Variants in BAZ1A observed in about 807,000 individuals in gnomAD.
BAZ1A encodes bromodomain adjacent to zinc finger domain protein 1A.
In BAZ1A, 50 loss-of-function variants were observed where a neutral mutation model predicts 185.2. The ratio of observed to expected loss-of-function variants is 0.27; its 90% CI spans 0.22 to 0.34. The LOEUF is 0.34. Among genes scored for constraint, BAZ1A ranks in the 10% least tolerant of loss-of-function variants. The probability of loss-of-function intolerance (pLI) is 1.00; values close to 1 mark genes in which losing one functional copy is unlikely to be tolerated. For synonymous variants in BAZ1A, 571 were observed against 615.6 expected (o/e 0.93, Z 1.07); for missense variants, 1,356 against 1,839.9 (o/e 0.74, Z 4.81).
intron 3 of BAZ1A, among the ~76,000 whole-genome samples, chr14:34,853,836 A>C (rs1224098088): frequency 6.6e-6 from 1 of 152,174 alleles, no homozygotes; most frequent in Non-Finnish European, 1.5e-5. Flanking sequence ...GACAATAAGA[A>C]AAGAATATTG....
At chr14:34,828,154 G>A (rs548907542) in intron 3 of BAZ1A, among the ~76,000 whole-genome samples, 3 of 152,062 alleles carry the variant, frequency 2.0e-5, no homozygotes, top group Admixed American at 6.6e-5. Flanking sequence ...TTAACTGGGC[G>A]TGGTGGCACA....
chr14:34,801,164 AAG>A lies in BAZ1A; in HGVS notation c.889_890del (p.Leu297CysfsTer4). On this transcript the variant is annotated frameshift_variant, in exon 8 of 27. Transcript: ENST00000360310. LOFTEE classifies it high-confidence loss of function. ...QEDNVANKQTLASYRSKATKE... is the reference protein window; with the variant it reads ...QEDNVANKQTXASYRSKATKE... The stretch of plus-strand genomic sequence containing the variant: ...TAGTAGCTTTGCTCCTATAACTTGC[AAG>A]AGTCTGTTTATTAGCAACATTGTCC... The A allele has an allele frequency of 6.2e-7, 1 of 1,607,546 alleles. No homozygotes were observed. Among genetic ancestry groups the A allele is most frequent in the Non-Finnish European group, 8.5e-7 (1 of 1,178,008 alleles).
intron 9 of BAZ1A, among the ~76,000 whole-genome samples, chr14:34,798,217 C>T (rs1348497172): frequency 6.6e-6 from 1 of 152,274 alleles, no homozygotes; most frequent in African/African-American, 2.4e-5. Flanking sequence ...CGGAGCCCAC[C>T]GCAGCTCTGA....
At chr14:34,851,686 G>A (rs1666028278) in intron 3 of BAZ1A, among the ~76,000 whole-genome samples, 1 of 152,144 alleles carries the variant, frequency 6.6e-6, no homozygotes, top group Admixed American at 6.5e-5. Flanking sequence ...AGGCACAGTG[G>A]CCCATGCCTG....
intron 3 of BAZ1A, 145 bp downstream of exon 3, chr14:34,861,899 G>A: frequency 2.2e-6 from 2 of 900,974 alleles, no homozygotes; most frequent in South Asian, 3.5e-5. Context: ...ACAAGAAACA[G>A]CTAACACCGG....
chr14:34,753,611 T>C lies in BAZ1A; in HGVS notation c.4568A>G (p.Gln1523Arg), dbSNP rs1886113119. Reference protein sequence around the residue: ...TSEAKAGTRLQAFFHIQAQKL... With the variant: ...TSEAKAGTRLRAFFHIQAQKL... ...TTGAGCCTGAATATGAAAAAATGCT[T>C]GAAGCCTAGTTCCAGCTTTTGCTTC... The change falls in exon 27 of 27, where the codon CAA (glutamine) becomes CGA (arginine). Residue 1523 changes from glutamine (Q) to arginine (R), a missense_variant. Coordinates refer to ENST00000360310, the MANE Select transcript of BAZ1A (RefSeq NM_013448.3). 6.2e-7 allele frequency: 1 copy of C among 1,614,136 alleles called. No homozygotes were observed.
In BAZ1A at chr14:34,776,450, C is replaced by G. The variant is rs764565612; in HGVS notation, c.2302G>C (p.Glu768Gln). The change falls in exon 18 of 27, where the codon GAG becomes CAG. Residue 768 changes from glutamate (E) to glutamine (Q), a missense_variant. Physicochemically the swap from Glu to Gln is conservative, Grantham distance 29 (BLOSUM62 2). Coordinates refer to ENST00000360310, the MANE Select transcript of BAZ1A (RefSeq NM_013448.3). Reference protein sequence around the residue: ...RQEQINCVTREPLTADEEEAL... With the variant: ...RQEQINCVTRQPLTADEEEAL... The stretch of plus-strand genomic sequence containing the variant: ...TCTTCCTCATCAGCAGTAAGAGGCT[C>G]TCTTGTTACACAGTTGATCTGTTCT... 7.4e-6 allele frequency: 12 copies of G among 1,613,776 alleles called. No individual in the cohort carries two copies. The Admixed American group carries it at 1.0e-4, about 13-fold the overall frequency.
chr14:34,801,186 T>C lies in BAZ1A; in HGVS notation c.869A>G (p.Asn290Ser), dbSNP rs371707800. Reference protein sequence around the residue: ...PKRIHISQEDNVANKQTLASY... With the variant: ...PKRIHISQEDSVANKQTLASY... ...TGCAAGAGTCTGTTTATTAGCAACA[T>C]TGTCCTCCTAAAAAACAAACCAAAA... The change falls in exon 8 of 27, where the codon AAT becomes AGT. Residue 290 changes from asparagine (N) to serine (S), a missense_variant. This residue lies in a region of BAZ1A where 332 missense variants were observed against 395.3 expected (regional missense o/e 0.84). Coordinates refer to ENST00000360310, the MANE Select transcript of BAZ1A (RefSeq NM_013448.3). 6 of 1,602,638 alleles carry C rather than the reference T, an allele frequency of 3.7e-6. No homozygotes were observed. Among genetic ancestry groups the C allele is most frequent in the East Asian group, 2.2e-5 (1 of 44,448 alleles).
chr14:34,808,411 T>C (rs1055834922), intron 5 of BAZ1A, among the ~76,000 whole-genome samples: 12 of 151,978 alleles, frequency 7.9e-5, no homozygotes, highest in Admixed American at 5.2e-4. Context: ...GGGTGGAGAA[T>C]CGCTTGAGCC....
At chr14:34,857,628 C>A (rs1192546087) in intron 3 of BAZ1A, among the ~76,000 whole-genome samples, 2 of 152,170 alleles carry the variant, frequency 1.3e-5, no homozygotes, top group Non-Finnish European at 2.9e-5. Flanking sequence ...CCATCCAATT[C>A]TCTCCATTTG....
chr14:34,826,274 T>A, intron 3 of BAZ1A, 118 bp from the exon 4 acceptor site: 2 of 931,014 alleles, frequency 2.1e-6, no homozygotes, highest in Non-Finnish European at 3.1e-6. Flanking sequence ...TATAGCTGAT[T>A]GATTTAAACA....
chr14:34,791,634 G>C (rs1880853093), intron 12 of BAZ1A, among the ~76,000 whole-genome samples: 1 of 152,144 alleles, frequency 6.6e-6, no homozygotes, highest in South Asian at 2.1e-4. Flanking sequence ...AAAACTATCT[G>C]ACTGGAGGAA....
intron 12 of BAZ1A, among the ~76,000 whole-genome samples, chr14:34,787,169 A>G (rs1382081083): frequency 1.3e-5 from 2 of 149,562 alleles, no homozygotes; most frequent in East Asian, 2.0e-4. Context: ...CTTGGCCAAC[A>G]TGGTGAAACC....
intron 4 of BAZ1A, among the ~76,000 whole-genome samples, chr14:34,824,800 T>A (rs1428368729): frequency 6.6e-6 from 1 of 152,200 alleles, no homozygotes; most frequent in African/African-American, 2.4e-5. Flanking sequence ...GTTTCTTTTT[T>A]AAACATTATG....
Position 34,774,410 on chromosome 14 carries a change from C to G in BAZ1A, c.2914G>C (p.Glu972Gln). ...CTCAGCCTTAGTTCAAGTTGCTTTT[C>G]TGCACACATCTGAGATGGATCATAT... ...NAYDPSQMCAEKQLELRLRDF... is the reference protein window; with the variant it reads ...NAYDPSQMCAQKQLELRLRDF... The change falls in exon 19 of 27, where the codon GAA (glutamate) becomes CAA (glutamine). Residue 972 changes from glutamate (E) to glutamine (Q), a missense_variant. Coordinates refer to ENST00000360310, the MANE Select transcript of BAZ1A (RefSeq NM_013448.3). 6.2e-7 allele frequency: 1 copy of G among 1,613,730 alleles called. No individual in the cohort carries two copies. Among genetic ancestry groups the G allele is most frequent in the Non-Finnish European group, 8.5e-7 (1 of 1,179,816 alleles).
At chr14:34,802,629 T>A (rs911580266) in intron 7 of BAZ1A, among the ~76,000 whole-genome samples, 6 of 152,256 alleles carry the variant, frequency 3.9e-5, no homozygotes, top group African/African-American at 1.4e-4. Context: ...CACTTTGGTA[T>A]AGAATCCTTG....
At chr14:34,789,571 C>G (rs1321995825) in intron 12 of BAZ1A, among the ~76,000 whole-genome samples, 3 of 152,164 alleles carry the variant, frequency 2.0e-5, no homozygotes, top group Non-Finnish European at 4.4e-5. Context: ...AATTCCAACA[C>G]TAGACAATGA....
intron 18 of BAZ1A, among the ~76,000 whole-genome samples, chr14:34,775,536 C>A (rs1170315412): frequency 6.6e-6 from 1 of 152,212 alleles, no homozygotes; most frequent in Non-Finnish European, 1.5e-5. Context: ...ATTAGTGGAA[C>A]TTCTCCCTAG....
At chr14:34,797,739 T>C (rs1881274519) in intron 9 of BAZ1A, among the ~76,000 whole-genome samples, 1 of 152,192 alleles carries the variant, frequency 6.6e-6, no homozygotes, top group South Asian at 2.1e-4. Flanking sequence ...CCCAGCGTGA[T>C]CAATGCAGAA....
Sources: gnomAD v4.1 joint callset for allele counts (sites outside exome capture counted in the v4.1 genomes callset) on GRCh38, gnomAD v4.1.1 for gene constraint, gnomAD v4.1.1 regional missense constraint, MANE v1.5 for transcripts, NCBI Gene and HGNC (gene_info 2026-07-23, HGNC 2026-07-21) for gene names.